Variants in PLXNA1 observed in about 807,000 individuals in gnomAD.
The protein encoded by PLXNA1 is plexin-A1.
PLXNA1 carries 77 observed loss-of-function variants against 191.7 expected under a neutral mutation model. That is an observed-to-expected ratio of 0.40 (90% CI 0.33 to 0.49). PLXNA1 has a LOEUF of 0.49. Ranked by LOEUF, PLXNA1 falls within the 20% of genes least tolerant of loss-of-function variation. The pLI is 0.63. For synonymous variants in PLXNA1, 1,137 were observed against 1,156.4 expected, an observed-to-expected ratio of 0.98 and a Z score of 0.34; for missense variants, 2,110 against 2,660.2, an observed-to-expected ratio of 0.79 and a Z score of 4.55.
chr3:127,027,660 C>G (rs908061181), intron 23 of PLXNA1: 1 of 589,212 alleles, frequency 1.7e-6, no homozygotes, highest in South Asian at 1.5e-5. Flanking sequence ...TCCCGCGTGC[C>G]ACGCCATGTT....
In PLXNA1 at chr3:126,988,699, G is replaced by C. The variant is rs776863059; in HGVS notation, c.106G>C (p.Gly36Arg). ...AEAGLPRAGG[G>R]SQPPFRTFSA... ...GGCAGGCTTGCCCAGGGCAGGCGGG[G>C]GTTCACAGCCCCCCTTCCGCACCTT... Residue 36 changes from glycine to arginine, a missense_variant, in exon 2 of 32, where the codon GGT (glycine) becomes CGT (arginine). By Grantham distance (125) the Gly-to-Arg change is moderately radical. Around this residue, in one of 4 missense-constraint regions of PLXNA1, gnomAD observed 903 missense variants for 1,015.7 expected, o/e 0.89. Transcript: ENST00000393409. The C allele has an allele frequency of 6.4e-7, 1 of 1,572,974 alleles. No individual in the cohort carries two copies. The highest frequency in any genetic ancestry group is 8.6e-7 in the Non-Finnish European group (1 of 1,157,430).
intron 29 of PLXNA1, among the ~76,000 whole-genome samples, chr3:127,031,612 G>T (rs2079211530): frequency 6.6e-6 from 1 of 152,120 alleles, no homozygotes; most frequent in African/African-American, 2.4e-5. Flanking sequence ...CATCCCATGT[G>T]TTGCTTCCCA....
intron 1 of PLXNA1, among the ~76,000 whole-genome samples, chr3:126,987,745 C>T (rs2078966157): frequency 6.6e-6 from 1 of 151,926 alleles, no homozygotes; most frequent in South Asian, 2.1e-4. Context: ...GGCTGGTGGG[C>T]CAGGGAGCCT....
intron 23 of PLXNA1, among the ~76,000 whole-genome samples, chr3:127,023,511 T>A (rs1366709620): frequency 6.6e-6 from 1 of 152,172 alleles, no homozygotes; most frequent in Non-Finnish European, 1.5e-5. Flanking sequence ...CTGGCTTCAG[T>A]GGTCCCTGTC....
In PLXNA1 at chr3:126,989,386, A is replaced by C; in HGVS notation, c.793A>C (p.Thr265Pro). The change falls in exon 2 of 32, where the codon ACA becomes CCA. Residue 265 changes from threonine (T) to proline (P), a missense_variant. This residue lies in a region of PLXNA1 where 903 missense variants were observed against 1,015.7 expected (regional missense o/e 0.89). Transcript: ENST00000393409. ...FVYYLTLQLD[T>P]QLTSPDAAGE... ...CTACTACCTCACGCTGCAGCTAGAC[A>C]CACAGCTGACCTCGCCTGATGCCGC... 1 of 1,613,564 alleles carries C rather than the reference A, an allele frequency of 6.2e-7. No individual in the cohort carries two copies. The highest frequency in any genetic ancestry group is 8.5e-7 in the Non-Finnish European group (1 of 1,180,044).
At chr3:127,011,807 C>G (rs1387361056) in intron 9 of PLXNA1, 151 bp from the exon 10 acceptor site, 2 of 733,822 alleles carry the variant, frequency 2.7e-6, no homozygotes, top group East Asian at 5.0e-5. Flanking sequence ...ACTGTCCCAG[C>G]CAGCGGTCCT....
chr3:126,992,436 G>C (rs747164679), intron 3 of PLXNA1, among the ~76,000 whole-genome samples: 24 of 152,146 alleles, frequency 1.6e-4, no homozygotes, highest in Non-Finnish European at 3.1e-4. Flanking sequence ...GGCTGGGCCG[G>C]GGGCTGGCCA....
intron 23 of PLXNA1, among the ~76,000 whole-genome samples, chr3:127,023,369 C>T (rs183490532): frequency 2.0e-5 from 3 of 152,354 alleles, no homozygotes; most frequent in Admixed American, 1.3e-4. Context: ...GAATTGCTGT[C>T]TGCACTTTCG....
At chr3:127,021,517 G>A (rs1004697171) in intron 21 of PLXNA1, among the ~76,000 whole-genome samples, 2 of 152,216 alleles carry the variant, frequency 1.3e-5, no homozygotes, top group Non-Finnish European at 2.9e-5. Context: ...CCTACCTGCA[G>A]TGTGGCCCTA....
At chr3:127,021,012 C>T (rs1452648947) in intron 21 of PLXNA1, among the ~76,000 whole-genome samples, 3 of 152,234 alleles carry the variant, frequency 2.0e-5, no homozygotes, top group Non-Finnish European at 2.9e-5. Flanking sequence ...CAGTCCTTGG[C>T]GAGCCACGGC....
chr3:127,010,408 G>A (rs971647010), intron 9 of PLXNA1, among the ~76,000 whole-genome samples: 17 of 152,168 alleles, frequency 1.1e-4, no homozygotes, highest in African/African-American at 3.9e-4. Context: ...GCCTAATCCT[G>A]ACTCAGTGGG....
intron 17 of PLXNA1, 91 bp downstream of exon 17, chr3:127,017,128 C>G (rs1349271342): frequency 6.6e-6 from 8 of 1,218,238 alleles, no homozygotes; most frequent in Admixed American, 2.1e-5. Context: ...TGCCCCTGCC[C>G]CTACCCCTGC....
In PLXNA1 at chr3:127,014,796, T is replaced by G. The variant is rs1445944360; in HGVS notation, c.2842T>G (p.Tyr948Asp). 1.2e-6 allele frequency: 2 copies of G among 1,612,798 alleles called. No homozygotes were observed. Among genetic ancestry groups the G allele is most frequent in the Non-Finnish European group, 1.7e-6 (2 of 1,179,920 alleles). ...GTGTGTGCGGGACTGCTCACCACAC[T>G]ACCGCGCCCTGTCACCCAAGCGCTT... Reference protein sequence around the residue: ...EVCVRDCSPHYRALSPKRFTF... With the variant: ...EVCVRDCSPHDRALSPKRFTF... Residue 948 changes from tyrosine (Y) to aspartate (D), a missense_variant, in exon 14 of 32, where the codon TAC becomes GAC. By Grantham distance (160) the Tyr-to-Asp change is radical (BLOSUM62 -3). Transcript: ENST00000393409.
rs562947158 is a variant in PLXNA1, at chr3:126,995,692, G to A, written c.1377+4126G>A. ...ATCCACGTTGTAAGAGAGTATAACA[G>A]GACCAACTCAAGCATCCCTTTGGCC... On this transcript the variant is annotated intron_variant, in intron 3 of 31. Transcript: ENST00000393409. Among the ~76,000 whole-genome samples, 7 of 152,372 alleles carry A rather than the reference G, an allele frequency of 4.6e-5. No homozygotes were observed. The South Asian group carries it at 1.4e-3, about 32-fold the overall frequency.
rs1045143459 is a variant in PLXNA1 at position 127,012,089 on chromosome 3, C to G, written c.2244C>G (p.Ile748Met). The G allele has an allele frequency of 1.2e-6, 2 of 1,613,624 alleles. No individual in the cohort carries two copies. Among genetic ancestry groups the G allele is most frequent in the Non-Finnish European group, 1.7e-6 (2 of 1,180,042 alleles). The change falls in exon 10 of 32, where the codon ATC becomes ATG. Residue 748 changes from isoleucine to methionine, a missense_variant. By Grantham distance (10) the Ile-to-Met change is conservative. Transcript: ENST00000393409. ...GTGGATATGAGTGCCTCTTCCACATCCCGGGCAGCCCGGCCCGTGTCACCG... is the reference window on the plus strand; with the variant it reads ...GTGGATATGAGTGCCTCTTCCACATGCCGGGCAGCCCGGCCCGTGTCACCG... ...GQRGYECLFHIPGSPARVTAL... is the reference protein window; with the variant it reads ...GQRGYECLFHMPGSPARVTAL...
At chr3:127,016,171 C>A (rs747078895) in intron 15 of PLXNA1, among the ~76,000 whole-genome samples, 4 of 151,940 alleles carry the variant, frequency 2.6e-5, no homozygotes, top group Non-Finnish European at 4.4e-5. Context: ...CTGCCTACTG[C>A]CTCTGGGGAG....
chr3:127,029,681 C>A, intron 27 of PLXNA1, 145 bp downstream of exon 27: 1 of 1,095,162 alleles, frequency 9.1e-7, no homozygotes. Context: ...TGGCCTTACC[C>A]TCCAGCTCTG....
rs1177594931 is a variant in PLXNA1, at chr3:127,017,592, T to G, written c.3444T>G (p.Pro1148=). Residue 1148 remains proline, a synonymous_variant, in exon 18 of 32, where the codon CCT becomes CCG. Coordinates refer to ENST00000393409, the MANE Select transcript of PLXNA1 (RefSeq NM_032242.4). ...ACTCCACCTCCTTCCTCTACTACCCTGACCCCGTACTGGAGCCACTCAGCC... is the reference window on the plus strand; with the variant it reads ...ACTCCACCTCCTTCCTCTACTACCCGGACCCCGTACTGGAGCCACTCAGCC... ...VLNSTSFLYY[P]DPVLEPLSPT... 1 of 1,613,650 alleles carries G rather than the reference T, an allele frequency of 6.2e-7. No homozygotes were observed. The highest frequency in any genetic ancestry group is 1.1e-5 in the South Asian group (1 of 91,088).
chr3:126,988,480 C>T lies in PLXNA1; in HGVS notation c.-73-41C>T, dbSNP rs2078971897. 7.7e-6 allele frequency: 7 copies of T among 912,756 alleles called. No individual in the cohort carries two copies. The Admixed American group carries it at 1.5e-4, about 19-fold the overall frequency. 56.5% of individuals were successfully genotyped at this position (912,756 alleles called of 1,614,324 possible). A position where few individuals can be genotyped will look rare whatever the true frequency, so the allele number is the denominator to read the frequency against. On this transcript the variant is annotated intron_variant, in intron 1 of 31. Coordinates refer to ENST00000393409, the MANE Select transcript of PLXNA1 (RefSeq NM_032242.4). Reference sequence around the variant, plus strand: ...GGAGATCATAATATCATGGGATGGGCCATGCCTGCATTCACATGCCCTCTT... The same window carrying T: ...GGAGATCATAATATCATGGGATGGGTCATGCCTGCATTCACATGCCCTCTT...
Sources: gnomAD v4.1 joint callset for allele counts (sites outside exome capture counted in the v4.1 genomes callset) on GRCh38, gnomAD v4.1.1 for gene constraint, gnomAD v4.1.1 regional missense constraint, MANE v1.5 for transcripts, NCBI Gene and HGNC (gene_info 2026-07-23, HGNC 2026-07-21) for gene names.